LRP1B: variants seen among roughly 807,000 people sequenced by gnomAD.
LRP1B encodes the protein LDL receptor related protein 1B.
In LRP1B, 217 loss-of-function variants were observed where a neutral mutation model predicts 556.6. The ratio of observed to expected loss-of-function variants is 0.39; its 90% confidence interval spans 0.35 to 0.44. LRP1B has a LOEUF of 0.44. Among genes scored for constraint, LRP1B ranks in the 20% least tolerant of loss-of-function variants. The probability of loss-of-function intolerance (pLI) is 1.00; values close to 1 mark genes in which losing one functional copy is unlikely to be tolerated. For missense variants in LRP1B, 5,053 were observed against 5,620.8 expected (o/e 0.90, Z 3.23); for synonymous variants, 2,047 against 1,865.8 (o/e 1.10, Z -2.50).
intron 35 of LRP1B, among the ~76,000 whole-genome samples, chr2:140,763,096 T>TA (rs35883580): frequency 6.6e-6 from 1 of 152,134 alleles, no homozygotes; most frequent in Non-Finnish European, 1.5e-5. Context: ...GACCTATCTA[T>TA]AAAAAATACT....
At chr2:140,845,266 T>A (rs956767537) in intron 29 of LRP1B, among the ~76,000 whole-genome samples, 2 of 152,130 alleles carry the variant, frequency 1.3e-5, no homozygotes, top group Non-Finnish European at 2.9e-5. Flanking sequence ...CCATAAGAAA[T>A]CCACTGGTGA....
At chr2:141,598,761 G>A (rs188927637) in intron 2 of LRP1B, among the ~76,000 whole-genome samples, 10 of 152,146 alleles carry the variant, frequency 6.6e-5, no homozygotes, top group South Asian at 4.2e-4. Flanking sequence ...GTTGATTGAT[G>A]GAAATACAGA....
chr2:141,418,562 G>A (rs900309265), intron 3 of LRP1B, among the ~76,000 whole-genome samples: 1 of 151,432 alleles, frequency 6.6e-6, no homozygotes, highest in Non-Finnish European at 1.5e-5. Flanking sequence ...TTTATTTCTG[G>A]GCTCTGTGTT....
chr2:142,104,964 A>G (rs1706695199), intron 1 of LRP1B, among the ~76,000 whole-genome samples: 1 of 152,152 alleles, frequency 6.6e-6, no homozygotes, highest in South Asian at 2.1e-4. Context: ...TACACATCAG[A>G]TATAGAAATG....
At chr2:140,723,382 A>G (rs1020638107) in intron 35 of LRP1B, among the ~76,000 whole-genome samples, 2 of 152,210 alleles carry the variant, frequency 1.3e-5, no homozygotes, top group Admixed American at 6.5e-5. Context: ...TTCAAATAGT[A>G]GCAAGTGCAA....
intron 3 of LRP1B, among the ~76,000 whole-genome samples, chr2:141,316,544 G>C (rs62165665): frequency 6.6e-6 from 1 of 151,984 alleles, no homozygotes; most frequent in Admixed American, 6.6e-5. Flanking sequence ...AGGAGGTAGG[G>C]AAACTACCTC....
At position 141,542,856 on chromosome 2, in the gene LRP1B, T is replaced by C. The variant is rs948031698; in HGVS notation, c.206-62323A>G. Among the ~76,000 whole-genome samples the C allele has an allele frequency of 1.8e-4, 27 of 152,126 alleles. 1 individual carries two copies. The highest frequency in any genetic ancestry group is 1.5e-3 in the Admixed American group (23 of 15,268). On this transcript the variant is annotated intron_variant, in intron 2 of 90. Coordinates refer to ENST00000389484, the MANE Select transcript of LRP1B (RefSeq NM_018557.3). ...AATTTCTTTTAGTGCCTATTTGCAG[T>C]CCTATTGAAAATAAGAACTTACATA... is the stretch of plus-strand genomic sequence containing the variant.
At chr2:141,066,899 T>G (rs1699495605) in intron 7 of LRP1B, among the ~76,000 whole-genome samples, 1 of 151,968 alleles carries the variant, frequency 6.6e-6, no homozygotes. Context: ...GAGCCATATA[T>G]TGCCAGATTT....
At chr2:140,852,662 C>T (rs546606354) in intron 27 of LRP1B, among the ~76,000 whole-genome samples, 1 of 152,176 alleles carries the variant, frequency 6.6e-6, no homozygotes, top group East Asian at 1.9e-4. Context: ...TCTGTATTAA[C>T]TAATTCCATG....
At chr2:141,585,471 T>TGAA in intron 2 of LRP1B, among the ~76,000 whole-genome samples, 1 of 91,664 alleles carries the variant, frequency 1.1e-5, no homozygotes, top group South Asian at 4.3e-4. Context: ...GTGTGTGTGA[T>TGAA]GGGGTGGGGC....
At chr2:140,559,430 T>C (rs1304459961) in intron 43 of LRP1B, among the ~76,000 whole-genome samples, 2 of 152,032 alleles carry the variant, frequency 1.3e-5, no homozygotes, top group Admixed American at 1.3e-4. Context: ...GTACAGAGAA[T>C]ACAAAGAACA....
chr2:141,894,555 G>A (rs1699382545), intron 1 of LRP1B, among the ~76,000 whole-genome samples: 1 of 152,068 alleles, frequency 6.6e-6, no homozygotes, highest in African/African-American at 2.4e-5. Context: ...AGCTTAGGAA[G>A]CAGTAAAACC....
chr2:141,667,050 C>G (rs1382459570), intron 2 of LRP1B, among the ~76,000 whole-genome samples: 2 of 152,010 alleles, frequency 1.3e-5, no homozygotes, highest in Non-Finnish European at 2.9e-5. Flanking sequence ...ATTAGAGAGG[C>G]AAAGTTCCTG....
At chr2:141,151,248 T>C (rs535127585) in intron 7 of LRP1B, among the ~76,000 whole-genome samples, 19 of 152,266 alleles carry the variant, frequency 1.2e-4, no homozygotes, top group African/African-American at 4.3e-4. Flanking sequence ...GCTTTCATGA[T>C]CATTTAGATA....
intron 6 of LRP1B, among the ~76,000 whole-genome samples, chr2:141,218,738 A>C (rs1391633037): frequency 6.6e-6 from 1 of 152,218 alleles, no homozygotes; most frequent in African/African-American, 2.4e-5. Context: ...CAATATACCC[A>C]CATAATAAAC....
At chr2:140,883,737 A>C in intron 25 of LRP1B, 80 bp downstream of exon 25, 1 of 1,183,640 alleles carries the variant, frequency 8.4e-7, no homozygotes, top group South Asian at 1.4e-5. Flanking sequence ...CTCATAATTG[A>C]TGAGATAATT....
At chr2:141,598,708 G>C (rs752738957) in intron 2 of LRP1B, among the ~76,000 whole-genome samples, 1 of 151,958 alleles carries the variant, frequency 6.6e-6, no homozygotes, top group South Asian at 2.1e-4. Context: ...GCCTACTACC[G>C]AGGTCTGATA....
intron 79 of LRP1B, among the ~76,000 whole-genome samples, chr2:140,326,153 A>G (rs1680465106): frequency 6.6e-6 from 1 of 152,080 alleles, no homozygotes; most frequent in Admixed American, 6.6e-5. Context: ...CCTTCTAGCC[A>G]TATTTGTGGT....
intron 20 of LRP1B, among the ~76,000 whole-genome samples, chr2:140,940,174 C>G (rs551403456): frequency 3.9e-5 from 6 of 152,182 alleles, no homozygotes; most frequent in Admixed American, 1.3e-4. Context: ...GGTGAGCCAC[C>G]ACGCCCAGCC....
Sources: gnomAD v4.1 joint callset for allele counts (sites outside exome capture counted in the v4.1 genomes callset) on GRCh38, gnomAD v4.1.1 for gene constraint, MANE v1.5 for transcripts, NCBI Gene and HGNC (gene_info 2026-07-23, HGNC 2026-07-21) for gene names.